Variants in NCALD observed in about 807,000 individuals in gnomAD.
The protein encoded by NCALD is neurocalcin-delta.
Under a neutral mutation model 18.6 loss-of-function variants are expected in NCALD, and 10 were observed. That is an observed-to-expected ratio of 0.54 (90% confidence interval 0.33 to 0.91). The LOEUF is 0.91. Among genes scored for constraint, NCALD ranks in the 40% least tolerant of loss-of-function variants. The pLI is 0.03. For missense variants in NCALD, 184 were observed against 247.6 expected (o/e 0.74, Z 1.72); for synonymous variants, 88 against 87.4 (o/e 1.01, Z -0.04).
At chr8:101,920,388 A>G (rs1586756080) in intron 2 of NCALD, among the ~76,000 whole-genome samples, 1 of 152,348 alleles carries the variant, frequency 6.6e-6, no homozygotes, top group East Asian at 1.9e-4. Flanking sequence ...ATATATTCAA[A>G]AGAAAATAAA....
chr8:102,047,615 A>C (rs572592683), intron 1 of NCALD, among the ~76,000 whole-genome samples: 2 of 152,360 alleles, frequency 1.3e-5, no homozygotes, highest in Admixed American at 1.3e-4. Context: ...CATTTATCAT[A>C]GAACATGCTA....
chr8:101,754,316 C>T (rs1369772085), intron 1 of NCALD, among the ~76,000 whole-genome samples: 4 of 152,184 alleles, frequency 2.6e-5, no homozygotes, highest in Non-Finnish European at 5.9e-5. Context: ...TATCTTACAA[C>T]AGCTCTACAA....
At chr8:102,004,290 G>A (rs1318608175) in intron 2 of NCALD, among the ~76,000 whole-genome samples, 5 of 152,196 alleles carry the variant, frequency 3.3e-5, no homozygotes, top group Admixed American at 6.5e-5. Flanking sequence ...CTGCTTCAAA[G>A]AGAATAAAAT....
intron 4 of NCALD, among the ~76,000 whole-genome samples, chr8:101,800,245 A>AT (rs1419251693): frequency 6.6e-6 from 1 of 152,136 alleles, no homozygotes; most frequent in Non-Finnish European, 1.5e-5. Flanking sequence ...AATATAGACT[A>AT]TTAGCACAAA....
intron 2 of NCALD, among the ~76,000 whole-genome samples, chr8:101,937,037 G>T (rs536880780): frequency 1.3e-5 from 2 of 152,096 alleles, no homozygotes; most frequent in African/African-American, 4.8e-5. Flanking sequence ...TCCAACTTCT[G>T]GCAATCACAG....
intron 2 of NCALD, among the ~76,000 whole-genome samples, chr8:101,958,305 T>C (rs190789170): frequency 6.6e-6 from 1 of 152,252 alleles, no homozygotes; most frequent in African/African-American, 2.4e-5. Context: ...ACAGGCTTCC[T>C]AAGAGCTTTT....
intron 1 of NCALD, among the ~76,000 whole-genome samples, chr8:102,024,092 ATGT>A (rs2132112624): frequency 6.6e-6 from 1 of 152,326 alleles, no homozygotes; most frequent in Non-Finnish European, 1.5e-5. Flanking sequence ...AGAATGCCAG[ATGT>A]TGTACTTGTA....
At chr8:101,834,190 G>A (rs1267322797) in intron 4 of NCALD, among the ~76,000 whole-genome samples, 2 of 152,226 alleles carry the variant, frequency 1.3e-5, no homozygotes, top group Non-Finnish European at 2.9e-5. Context: ...AGAAAAAGGA[G>A]GGTGTGAAAT....
At chr8:102,067,109 T>C (rs951116632) in intron 1 of NCALD, among the ~76,000 whole-genome samples, 4 of 152,160 alleles carry the variant, frequency 2.6e-5, no homozygotes, top group African/African-American at 9.7e-5. Flanking sequence ...CCTTGACCCA[T>C]CAAACCACCT....
chr8:101,803,525 A>G (rs1167820959), intron 4 of NCALD, among the ~76,000 whole-genome samples: 1 of 152,228 alleles, frequency 6.6e-6, no homozygotes, highest in Non-Finnish European at 1.5e-5. Flanking sequence ...ATTTCATAAG[A>G]CCATAGCTCT....
intron 2 of NCALD, among the ~76,000 whole-genome samples, chr8:102,003,450 T>A (rs573195268): frequency 6.6e-6 from 1 of 152,172 alleles, no homozygotes; most frequent in South Asian, 2.1e-4. Context: ...CTACCAGAGG[T>A]ACAAGGAGGA....
At chr8:101,713,121 A>G (rs1469033745) in intron 2 of NCALD, among the ~76,000 whole-genome samples, 1 of 152,240 alleles carries the variant, frequency 6.6e-6, no homozygotes, top group Non-Finnish European at 1.5e-5. Flanking sequence ...GGATTAAGAA[A>G]CTCACACAAA....
chr8:102,115,000 G>A (rs1825742079), intron 1 of NCALD, among the ~76,000 whole-genome samples: 1 of 152,212 alleles, frequency 6.6e-6, no homozygotes, highest in South Asian at 2.1e-4. Context: ...ATGAGCATGT[G>A]ACCTGTGCCA....
intron 1 of NCALD, among the ~76,000 whole-genome samples, chr8:102,093,056 G>T (rs1824975292): frequency 6.6e-6 from 1 of 152,036 alleles, no homozygotes; most frequent in Non-Finnish European, 1.5e-5. Context: ...TTCTCAGGAG[G>T]CTGAGGAGGG....
At chr8:102,054,719 T>C (rs200312844) in intron 1 of NCALD, among the ~76,000 whole-genome samples, 1 of 100,578 alleles carries the variant, frequency 9.9e-6, no homozygotes, top group African/African-American at 3.3e-5. Flanking sequence ...GATAGATAGA[T>C]ATCCTATAGA....
At chr8:101,947,567 C>A (rs889514287) in intron 2 of NCALD, among the ~76,000 whole-genome samples, 2 of 152,164 alleles carry the variant, frequency 1.3e-5, no homozygotes, top group Non-Finnish European at 2.9e-5. Context: ...TGGATAAATT[C>A]CCAGGATCCT....
At position 101,931,885 on chromosome 8, in the gene NCALD, G is replaced by T. The variant is rs137856839; in HGVS notation, c.-156-16027C>A. 4.8e-3 allele frequency among the ~76,000 whole-genome samples: 734 copies of T among 152,128 alleles called. 4 individuals are homozygous for T. Among genetic ancestry groups the T allele is most frequent in the African/African-American group, 0.016 (668 of 41,476 alleles). Reference sequence around the variant, plus strand: ...GGCTAGGGAGCAAATGTATTAATGGGGTGTCTCACTCATAGCCCAGGCCCT... The same window carrying T: ...GGCTAGGGAGCAAATGTATTAATGGTGTGTCTCACTCATAGCCCAGGCCCT... On this transcript the variant is annotated intron_variant, in intron 2 of 6. Coordinates refer to the NCALD transcript ENST00000311028.
chr8:101,713,463 A>C (rs1028622002), intron 2 of NCALD, among the ~76,000 whole-genome samples: 13 of 144,946 alleles, frequency 9.0e-5, no homozygotes, highest in African/African-American at 3.4e-4. Context: ...ACAAAAAAAA[A>C]CCATAAAAAA....
intron 2 of NCALD, among the ~76,000 whole-genome samples, chr8:101,957,318 A>G (rs1819672263): frequency 8.2e-6 from 1 of 121,760 alleles, no homozygotes; most frequent in Non-Finnish European, 1.7e-5. Context: ...TTTTTTTAGC[A>G]CAAAGCCTTA....
Sources: gnomAD v4.1 joint callset for allele counts (sites outside exome capture counted in the v4.1 genomes callset) on GRCh38, gnomAD v4.1.1 for gene constraint, MANE v1.5 for transcripts, NCBI Gene and HGNC (gene_info 2026-07-23, HGNC 2026-07-21) for gene names.